Variants in SNX1 observed in about 807,000 individuals in gnomAD.
The protein encoded by SNX1 is sorting nexin 1, also known as sorting nexin-1.
SNX1 carries 36 observed loss-of-function variants against 71.8 expected under a neutral mutation model. The observed-to-expected ratio is 0.50, with a 90% CI of 0.38 to 0.66. SNX1 has a LOEUF of 0.66. Among genes scored for constraint, SNX1 ranks in the 30% least tolerant of loss-of-function variants. The pLI, the probability that SNX1 is intolerant of heterozygous loss-of-function variation, is 0.00. For synonymous variants in SNX1, 254 were observed against 240.7 expected, an observed-to-expected ratio of 1.06 and a Z score of -0.51; for missense variants, 612 against 646.7, an observed-to-expected ratio of 0.95 and a Z score of 0.58.
chr15:64,121,275 A>G (rs933163237), intron 4 of SNX1, among the ~76,000 whole-genome samples: 1 of 152,182 alleles, frequency 6.6e-6, no homozygotes, highest in Non-Finnish European at 1.5e-5. Flanking sequence ...AATTTCTCAC[A>G]GTTTTGGAGG....
At chr15:64,102,663 G>A (rs1039371039) in intron 1 of SNX1, among the ~76,000 whole-genome samples, 3 of 151,014 alleles carry the variant, frequency 2.0e-5, no homozygotes, top group East Asian at 3.9e-4. Flanking sequence ...TTCACTTAAC[G>A]TAATGACCTC....
In SNX1 at chr15:64,096,263, G is replaced by A; in HGVS notation, c.159+91G>A. ...GAATCGGGGAGGTTGGGCAGAGTGG[G>A]CCCGGTGAGACCTTGCCTCGGTGTC... On this transcript the variant is annotated intron_variant, in intron 1 of 14. Transcript: ENST00000559844. The A allele has an allele frequency of 2.8e-6, 4 of 1,438,504 alleles. No individual in the cohort carries two copies. The East Asian group carries it at 1.0e-4, about 37-fold the overall frequency. The allele number at this position is 1,438,504 out of a possible 1,614,324, so 89.1% of individuals were successfully genotyped here.
In SNX1 at chr15:64,144,148, A is replaced by T. The variant is rs1368376004; in HGVS notation, c.*6530A>T. On this transcript the variant is annotated 3_prime_UTR_variant, in exon 15 of 15. Coordinates refer to ENST00000559844, the MANE Select transcript of SNX1 (RefSeq NM_003099.5). The surrounding 1 kb of genome is among the most constrained non-coding windows in gnomAD (Gnocchi z 4.3). ...AAGTTTGCATTACCTTTAATTTTTAATACCATTTTGTATTGCTTAAAATTT... is the reference window on the plus strand; with the variant it reads ...AAGTTTGCATTACCTTTAATTTTTATTACCATTTTGTATTGCTTAAAATTT... 1 of 152,232 alleles carries T rather than the reference A, an allele frequency of 6.6e-6. No individual in the cohort carries two copies. The highest frequency in any genetic ancestry group is 1.5e-5 in the Non-Finnish European group (1 of 68,048). 9.4% of individuals were successfully genotyped at this position (152,232 alleles called of 1,614,324 possible).
chr15:64,123,270 G>T (rs1283158046), intron 4 of SNX1, among the ~76,000 whole-genome samples: 1 of 152,222 alleles, frequency 6.6e-6, no homozygotes, highest in Non-Finnish European at 1.5e-5. Context: ...TGACTCTCTT[G>T]TGTAACTCAA....
In SNX1 at chr15:64,138,191, G is replaced by T. The variant is rs1389596478; in HGVS notation, c.*573G>T. On this transcript the variant is annotated 3_prime_UTR_variant, in exon 15 of 15. Coordinates refer to ENST00000559844, the MANE Select transcript of SNX1 (RefSeq NM_003099.5). ...TTCTCTCCGCCTACCTCAGCTACCT[G>T]TTCTGAGGGTCTCAATCTGTTTCGT... is the stretch of plus-strand genomic sequence containing the variant. 1 of 1,530,922 alleles carries T rather than the reference G, an allele frequency of 6.5e-7. No individual in the cohort carries two copies. Among genetic ancestry groups the T allele is most frequent in the Admixed American group, 2.0e-5 (1 of 49,490 alleles). 94.8% of individuals were successfully genotyped at this position (1,530,922 alleles called of 1,614,324 possible).
chr15:64,127,561 G>T (rs140075433), intron 7 of SNX1, among the ~76,000 whole-genome samples, 170 bp from the exon 8 acceptor site: 19 of 152,244 alleles, frequency 1.2e-4, no homozygotes, highest in African/African-American at 2.6e-4. Context: ...GAAATGTCAG[G>T]AATGTGAACT....
In SNX1 at chr15:64,104,782, C is replaced by T. The variant is rs941257205; in HGVS notation, c.160-7791C>T. Among the ~76,000 whole-genome samples the T allele has an allele frequency of 2.4e-4, 36 of 150,524 alleles. No homozygotes were observed. In the East Asian group the frequency reaches 4.4e-3, roughly 18 times the overall value. On this transcript the variant is annotated intron_variant, in intron 1 of 14. Coordinates refer to ENST00000559844, the MANE Select transcript of SNX1 (RefSeq NM_003099.5). ...TGTCTGTAATCCCAGCTACTTGGGA[C>T]GCTGAGACAGGAGAATCACTTGAAC...
chr15:64,123,845 G>T (rs1035065123), intron 5 of SNX1, among the ~76,000 whole-genome samples: 10 of 152,124 alleles, frequency 6.6e-5, no homozygotes, highest in African/African-American at 2.4e-4. Flanking sequence ...TTCACAGATT[G>T]CCCTAAACCA....
chr15:64,104,133 A>G (rs527987329), intron 1 of SNX1, among the ~76,000 whole-genome samples: 6 of 152,362 alleles, frequency 3.9e-5, no homozygotes, highest in African/African-American at 9.6e-5. Flanking sequence ...TTTACTTCGC[A>G]TAAGTTTAGA....
At chr15:64,096,340 C>T (rs2080900799) in intron 1 of SNX1, among the ~76,000 whole-genome samples, 168 bp downstream of exon 1, 1 of 152,210 alleles carries the variant, frequency 6.6e-6, no homozygotes, top group South Asian at 2.1e-4. Context: ...TAGAGCTTGG[C>T]TTCCCGGCCC....
At chr15:64,120,924 G>A (rs117223235) in intron 4 of SNX1, among the ~76,000 whole-genome samples, 450 of 152,198 alleles carry the variant, frequency 3.0e-3, no homozygotes, top group East Asian at 9.3e-3. Flanking sequence ...GTTTTTGAGC[G>A]TCTTACACAG....
chr15:64,136,249 T>C lies in SNX1; in HGVS notation c.1366-81T>C. Reference sequence around the variant, plus strand: ...CATAATGATCAATTGAGCCCTCATATGTAAAATCGCTGTCCAAATGTGAAG... The same window carrying C: ...CATAATGATCAATTGAGCCCTCATACGTAAAATCGCTGTCCAAATGTGAAG... On this transcript the variant is annotated intron_variant, in intron 12 of 14. Coordinates refer to ENST00000559844, the MANE Select transcript of SNX1 (RefSeq NM_003099.5). The C allele has an allele frequency of 2.8e-6, 3 of 1,073,014 alleles. No individual in the cohort carries two copies. In the African/African-American group the frequency reaches 4.6e-5, roughly 17 times the overall value. The allele number at this position is 1,073,014 out of a possible 1,614,324, so 66.5% of individuals were successfully genotyped here.
At position 64,131,772 on chromosome 15, in the gene SNX1, C is replaced by T; in HGVS notation, c.1101C>T (p.Leu367=). ...ACAACACGGCATTGTCACGGGCACT[C>T]TCCCAGCTGGCTGAGGTGGAAGAAA... is the stretch of plus-strand genomic sequence containing the variant. ...SEDNTALSRA[L]SQLAEVEEKI... Residue 367 remains leucine (L), a synonymous_variant, in exon 11 of 15, where the codon CTC becomes CTT. Transcript: ENST00000559844. 1 of 1,614,248 alleles carries T rather than the reference C, an allele frequency of 6.2e-7. No homozygotes were observed. Among genetic ancestry groups the T allele is most frequent in the Non-Finnish European group, 8.5e-7 (1 of 1,180,050 alleles).
intron 1 of SNX1, among the ~76,000 whole-genome samples, chr15:64,099,392 G>A (rs1224049059): frequency 6.6e-6 from 1 of 152,172 alleles, no homozygotes; most frequent in Non-Finnish European, 1.5e-5. Context: ...ATTTGTTGGT[G>A]AGCATTTTGT....
chr15:64,133,952 T>C (rs1051397466), intron 11 of SNX1, among the ~76,000 whole-genome samples: 4 of 152,088 alleles, frequency 2.6e-5, no homozygotes, highest in African/African-American at 7.2e-5. Context: ...GCAAATAGAT[T>C]TTGGGGAGCT....
In SNX1 at chr15:64,130,280, A is replaced by G; in HGVS notation, c.974A>G (p.Lys325Arg). 1 of 1,614,110 alleles carries G rather than the reference A, an allele frequency of 6.2e-7. No homozygotes were observed. Among genetic ancestry groups the G allele is most frequent in the Non-Finnish European group, 8.5e-7 (1 of 1,180,004 alleles). ...EVECEEQRLR[K>R]LHAVVETLVN... is the part of the protein sequence containing the mutation. Reference sequence around the variant, plus strand: ...GAGTGTGAGGAGCAGCGCTTACGGAAACTGCATGCTGTTGTAGAAACTCTA... The same window carrying G: ...GAGTGTGAGGAGCAGCGCTTACGGAGACTGCATGCTGTTGTAGAAACTCTA... Residue 325 changes from lysine to arginine, a missense_variant, in exon 10 of 15, where the codon AAA (lysine) becomes AGA (arginine). Lys to Arg is a conservative substitution (Grantham distance 26, BLOSUM62 2). Transcript: ENST00000559844.
chr15:64,134,503 C>G lies in SNX1; in HGVS notation c.1222-161C>G, dbSNP rs1380484173. 11 of 768,036 alleles carry G rather than the reference C, an allele frequency of 1.4e-5. No individual in the cohort carries two copies. The highest frequency in any genetic ancestry group is 6.0e-5 in the Admixed American group (2 of 33,456). 47.6% of individuals were successfully genotyped at this position (768,036 alleles called of 1,614,324 possible). A position where few individuals can be genotyped will look rare whatever the true frequency, so the allele number is the denominator to read the frequency against. ...AGAGGAGTCTTACCCAAGCTTTGCT[C>G]CTAGACATTAAACTTCCCAGCTGGG... On this transcript the variant is annotated intron_variant, in intron 11 of 14. Coordinates refer to ENST00000559844, the MANE Select transcript of SNX1 (RefSeq NM_003099.5). The surrounding 1 kb of genome is among the most constrained non-coding windows in gnomAD (Gnocchi z 4.1).
chr15:64,112,764 A>C, intron 2 of SNX1, 80 bp downstream of exon 2: 1 of 801,134 alleles, frequency 1.2e-6, no homozygotes, highest in Non-Finnish European at 2.0e-6. Flanking sequence ...AAAACCAAAA[A>C]AAAAAAAAGT....
At chr15:64,117,519 A>T (rs1299492631) in intron 2 of SNX1, among the ~76,000 whole-genome samples, 1 of 152,182 alleles carries the variant, frequency 6.6e-6, no homozygotes, top group African/African-American at 2.4e-5. Context: ...TGGCCTCCCA[A>T]AGTGCTAGGA....
Sources: gnomAD v4.1 joint callset for allele counts (sites outside exome capture counted in the v4.1 genomes callset) on GRCh38, gnomAD v4.1.1 for gene constraint, Gnocchi (gnomAD v3.1) non-coding constraint, MANE v1.5 for transcripts, NCBI Gene and HGNC (gene_info 2026-07-23, HGNC 2026-07-21) for gene names.